CCDC3: variants seen among roughly 807,000 people sequenced by gnomAD.
CCDC3 encodes the protein coiled-coil domain-containing protein 3.
Under a neutral mutation model 21.4 loss-of-function variants are expected in CCDC3, and 24 were observed. The observed-to-expected ratio is 1.12, with a 90% confidence interval of 0.81 to 1.58. The LOEUF is 1.58. Ranked by LOEUF, CCDC3 falls within the 40% of genes most tolerant of loss-of-function variation. The probability of loss-of-function intolerance (pLI) is 0.00; values close to 1 mark genes in which losing one functional copy is unlikely to be tolerated. For synonymous variants in CCDC3, 186 were observed against 166.0 expected (o/e 1.12, Z -0.93); for missense variants, 425 against 360.9 (o/e 1.18, Z -1.44).
chr10:13,090,054 T>G (rs2782275), intron 3 of CCDC3, among the ~76,000 whole-genome samples: 21,867 of 129,722 alleles, frequency 0.17, 2,583 homozygotes, highest in East Asian at 0.28. Context: ...TATATATATA[T>G]ATATATATAT....
intron 2 of CCDC3, among the ~76,000 whole-genome samples, chr10:12,975,817 A>G (rs1228155331): frequency 6.6e-6 from 1 of 152,206 alleles, no homozygotes; most frequent in Non-Finnish European, 1.5e-5. Flanking sequence ...AGGGTGACAG[A>G]ATGAGCCCAA....
intron 2 of CCDC3, among the ~76,000 whole-genome samples, chr10:12,943,716 T>G (rs900508941): frequency 1.3e-5 from 2 of 152,196 alleles, no homozygotes; most frequent in Admixed American, 1.3e-4. Flanking sequence ...CTGGGCCCTA[T>G]GTAAATCAGA....
intron 2 of CCDC3, among the ~76,000 whole-genome samples, chr10:12,997,358 C>T (rs764973466): frequency 2.0e-5 from 3 of 152,176 alleles, no homozygotes; most frequent in Non-Finnish European, 2.9e-5. Flanking sequence ...AGATGGGTCA[C>T]AGCCCCAGAG....
At chr10:13,056,808 C>T (rs138735184) in intron 4 of CCDC3, among the ~76,000 whole-genome samples, 2 of 152,288 alleles carry the variant, frequency 1.3e-5, no homozygotes, top group East Asian at 1.9e-4. Context: ...GCAGCAGCCA[C>T]TTCCATTTAA....
chr10:12,978,073 C>T (rs1835443160), intron 2 of CCDC3, among the ~76,000 whole-genome samples: 1 of 151,342 alleles, frequency 6.6e-6, no homozygotes, highest in Non-Finnish European at 1.5e-5. Flanking sequence ...GGCTGGAGTG[C>T]AGTGACACAA....
intron 5 of CCDC3, among the ~76,000 whole-genome samples, chr10:13,032,270 G>T (rs954839396): frequency 1.6e-4 from 24 of 152,066 alleles, no homozygotes; most frequent in Admixed American, 2.6e-4. Context: ...TGCAGAAAAG[G>T]CCTTCGACAA....
At chr10:13,088,429 CA>C (rs1837138754) in intron 3 of CCDC3, among the ~76,000 whole-genome samples, 2 of 152,206 alleles carry the variant, frequency 1.3e-5, no homozygotes, top group African/African-American at 2.4e-5. Context: ...CATAAAATGA[CA>C]TCGCCCCAAA....
intron 2 of CCDC3, among the ~76,000 whole-genome samples, chr10:12,911,995 A>G (rs1211370514): frequency 6.6e-6 from 1 of 152,186 alleles, no homozygotes; most frequent in East Asian, 1.9e-4. Context: ...AAGGGTGCAT[A>G]GTATTCCACT....
intron 2 of CCDC3, among the ~76,000 whole-genome samples, chr10:12,990,729 A>G (rs1172358559): frequency 6.6e-6 from 1 of 152,174 alleles, no homozygotes; most frequent in Admixed American, 6.5e-5. Flanking sequence ...GTATAATTAA[A>G]TCTCACCACA....
chr10:12,999,353 G>A (rs962644148), intron 1 of CCDC3, among the ~76,000 whole-genome samples: 1 of 152,226 alleles, frequency 6.6e-6, no homozygotes, highest in Non-Finnish European at 1.5e-5. Context: ...AATGCAGTAT[G>A]CATGTTAGTG....
At chr10:13,055,834 C>T (rs1046169888) in intron 4 of CCDC3, among the ~76,000 whole-genome samples, 8 of 152,198 alleles carry the variant, frequency 5.3e-5, no homozygotes, top group African/African-American at 1.9e-4. Flanking sequence ...AGCTACTGTG[C>T]TTTCTCCTTG....
intron 2 of CCDC3, among the ~76,000 whole-genome samples, chr10:12,979,703 A>G (rs770347883): frequency 6.6e-6 from 1 of 152,114 alleles, no homozygotes; most frequent in Non-Finnish European, 1.5e-5. Context: ...GCACAGGTCA[A>G]ACACAGATGC....
At chr10:13,045,801 A>G (rs1836517583) in intron 5 of CCDC3, among the ~76,000 whole-genome samples, 1 of 152,206 alleles carries the variant, frequency 6.6e-6, no homozygotes, top group Non-Finnish European at 1.5e-5. Flanking sequence ...GTAAAGAAGT[A>G]TATAAGCGGC....
intron 2 of CCDC3, among the ~76,000 whole-genome samples, chr10:12,929,981 C>T (rs1243531036): frequency 6.6e-6 from 1 of 152,048 alleles, no homozygotes; most frequent in Non-Finnish European, 1.5e-5. Context: ...TTGATCTGGC[C>T]ATTGAAATTT....
At chr10:12,920,665 C>G (rs913996628) in intron 2 of CCDC3, among the ~76,000 whole-genome samples, 2 of 152,212 alleles carry the variant, frequency 1.3e-5, no homozygotes, top group Non-Finnish European at 2.9e-5. Context: ...ATACCAGGCA[C>G]TGTATGAGAA....
At chr10:12,998,750 G>A (rs1339183972) in intron 1 of CCDC3, among the ~76,000 whole-genome samples, 1 of 152,152 alleles carries the variant, frequency 6.6e-6, no homozygotes, top group African/African-American at 2.4e-5. Context: ...TGTGTATGGT[G>A]CCTGTTTGTC....
At chr10:12,914,239 C>T (rs919200711) in intron 2 of CCDC3, among the ~76,000 whole-genome samples, 1 of 152,098 alleles carries the variant, frequency 6.6e-6, no homozygotes, top group Non-Finnish European at 1.5e-5. Flanking sequence ...TTTTTACTGC[C>T]AATTCAATCT....
chr10:12,996,145 T>C (rs1261563017), intron 2 of CCDC3, among the ~76,000 whole-genome samples: 2 of 152,196 alleles, frequency 1.3e-5, no homozygotes, highest in African/African-American at 4.8e-5. Context: ...TTAGACTTGC[T>C]GGGTCCAACT....
chr10:13,020,010 A>C (rs1836124205), intron 5 of CCDC3, among the ~76,000 whole-genome samples: 1 of 152,210 alleles, frequency 6.6e-6, no homozygotes, highest in Admixed American at 6.5e-5. Flanking sequence ...TAAATAAATA[A>C]AAATAAATAC....
Sources: allele counts gnomAD v4.1 joint callset (sites outside exome capture counted in the v4.1 genomes callset), GRCh38; gene constraint gnomAD v4.1.1; transcripts MANE v1.5; gene names NCBI Gene and HGNC (gene_info 2026-07-23, HGNC 2026-07-21).